The following GRM8 variants were observed in gnomAD, a reference collection of about 807,000 sequenced individuals.
GRM8 encodes the protein metabotropic glutamate receptor 8.
GRM8 carries 47 observed loss-of-function variants against 87.2 expected under a neutral mutation model. That is an observed-to-expected ratio of 0.54 (90% CI 0.43 to 0.69). The LOEUF is 0.69. Among genes scored for constraint, GRM8 ranks in the 30% least tolerant of loss-of-function variants. The probability of loss-of-function intolerance (pLI) is 0.00; values close to 1 mark genes in which losing one functional copy is unlikely to be tolerated. For missense variants in GRM8, 1,019 were observed against 1,139.2 expected (o/e 0.89, Z 1.52); for synonymous variants, 396 against 404.5 (o/e 0.98, Z 0.25).
intron 1 of GRM8, chr7:127,251,030 T>G (rs1329079047): frequency 1.3e-5 from 2 of 152,246 alleles, no homozygotes; most frequent in African/African-American, 4.8e-5. Flanking sequence ...TATTCTTGGG[T>G]GTTCCAGAGA....
chr7:126,974,401 A>G (rs996664878), intron 3 of GRM8, among the ~76,000 whole-genome samples: 1 of 152,220 alleles, frequency 6.6e-6, no homozygotes, highest in African/African-American at 2.4e-5. Context: ...TTGCTTCACT[A>G]TAGTAAACAC....
At chr7:127,112,764 T>C (rs17866144) in intron 2 of GRM8, among the ~76,000 whole-genome samples, 1,678 of 152,304 alleles carry the variant, frequency 0.011, 27 homozygotes, top group African/African-American at 0.038. Context: ...AGTCTTCTCG[T>C]AGGGAAGCTT....
At position 126,685,431 on chromosome 7, in the gene GRM8, T is replaced by A. The variant is rs1808065162; in HGVS notation, c.1358-75933A>T. Among the ~76,000 whole-genome samples, 1 of 152,084 alleles carries A rather than the reference T, an allele frequency of 6.6e-6. No individual in the cohort carries two copies. On this transcript the variant is annotated intron_variant, in intron 7 of 10. Transcript: ENST00000339582. This position sits in a 1 kb window ranked among gnomAD's most constrained non-coding sequence, Gnocchi z 4.2. ...TGGGTGGGAGCTCCCTGGGTGCAGC[T>A]GCAGCTGCTCTGCCCCATCTCTGGA...
At chr7:127,021,455 T>A (rs957176959) in intron 3 of GRM8, among the ~76,000 whole-genome samples, 3 of 152,036 alleles carry the variant, frequency 2.0e-5, no homozygotes, top group African/African-American at 4.8e-5. Context: ...TACTAAGTGA[T>A]GATACTAATT....
intron 3 of GRM8, among the ~76,000 whole-genome samples, chr7:126,965,874 T>C (rs1480713947): frequency 3.3e-5 from 5 of 151,886 alleles, no homozygotes; most frequent in African/African-American, 9.7e-5. Context: ...TATAAATAAA[T>C]AAGCAGAAAA....
chr7:127,242,802 T>A lies in GRM8; in HGVS notation c.403A>T (p.Asn135Tyr), dbSNP rs1798383273. 6.2e-7 allele frequency: 1 copy of A among 1,614,022 alleles called. No individual in the cohort carries two copies. Among genetic ancestry groups the A allele is most frequent in the African/African-American group, 1.3e-5 (1 of 74,896 alleles). ...TTGGTGAAAATGGGTGGATCTCCAT[T>A]AGCACACTTCACATCCGAAGCATCT... ...EKDASDVKCA[N>Y]GDPPIFTKPD... The change falls in exon 2 of 11, where the codon AAT (asparagine) becomes TAT (tyrosine). Residue 135 changes from asparagine (N) to tyrosine (Y), a missense_variant. Coordinates refer to ENST00000339582, the MANE Select transcript of GRM8 (RefSeq NM_000845.3).
chr7:126,569,689 C>T (rs983403491), intron 8 of GRM8, among the ~76,000 whole-genome samples: 1 of 152,094 alleles, frequency 6.6e-6, no homozygotes, highest in African/African-American at 2.4e-5. Flanking sequence ...TGTGGTAAAG[C>T]GTGTCTTTTC....
At chr7:126,778,074 G>C (rs1035548660) in intron 6 of GRM8, among the ~76,000 whole-genome samples, 5 of 152,142 alleles carry the variant, frequency 3.3e-5, no homozygotes, top group African/African-American at 1.2e-4. Flanking sequence ...AGCTGGCTCT[G>C]TCAAGGACCT....
intron 7 of GRM8, among the ~76,000 whole-genome samples, chr7:126,754,800 T>C (rs906545546): frequency 1.3e-5 from 2 of 151,900 alleles, no homozygotes; most frequent in Admixed American, 1.3e-4. Context: ...GAAACCATTC[T>C]GGAGTTTGCA....
At chr7:126,597,473 CTT>C (rs1250916467) in intron 8 of GRM8, among the ~76,000 whole-genome samples, 1 of 151,968 alleles carries the variant, frequency 6.6e-6, no homozygotes, top group East Asian at 1.9e-4. Flanking sequence ...AATAAAATGA[CTT>C]TTTACCAGTT....
chr7:126,500,019 A>G (rs1227117899), intron 9 of GRM8, among the ~76,000 whole-genome samples: 1 of 152,004 alleles, frequency 6.6e-6, no homozygotes, highest in Non-Finnish European at 1.5e-5. Flanking sequence ...GAAAGATCAA[A>G]TCAGGCTAAT....
intron 9 of GRM8, among the ~76,000 whole-genome samples, chr7:126,510,256 TCAGCAGAAGTA>T (rs1283009796): frequency 1.3e-5 from 2 of 148,262 alleles, no homozygotes; most frequent in African/African-American, 5.0e-5. Flanking sequence ...TATCCATGGC[TCAGCAGAAGTA>T]CACTTTAAAG....
intron 7 of GRM8, among the ~76,000 whole-genome samples, chr7:126,664,860 A>C (rs1234605272): frequency 2.0e-5 from 3 of 152,226 alleles, no homozygotes; most frequent in Non-Finnish European, 4.4e-5. Context: ...TTTGCAAACT[A>C]TGCATCCAAC....
chr7:126,632,431 G>A (rs1412905538), intron 7 of GRM8, among the ~76,000 whole-genome samples: 6 of 152,158 alleles, frequency 3.9e-5, no homozygotes, highest in African/African-American at 1.4e-4. Flanking sequence ...TACACTGTTG[G>A]TGGGAATGTA....
intron 7 of GRM8, among the ~76,000 whole-genome samples, chr7:126,629,564 C>A (rs1801045920): frequency 6.6e-6 from 1 of 151,974 alleles, no homozygotes; most frequent in Admixed American, 6.6e-5. Flanking sequence ...ATCAAATACA[C>A]AGGACTTTAT....
chr7:127,151,188 C>G (rs1199078989), intron 2 of GRM8, among the ~76,000 whole-genome samples: 1 of 151,996 alleles, frequency 6.6e-6, no homozygotes, highest in Non-Finnish European at 1.5e-5. Context: ...GTCTCTCCAC[C>G]TGGCCTAGAG....
At chr7:126,643,319 A>AATATATATATATATATAT (rs1198296006) in intron 7 of GRM8, among the ~76,000 whole-genome samples, 1 of 36,202 alleles carries the variant, frequency 2.8e-5, no homozygotes, top group African/African-American at 1.3e-4. Flanking sequence ...AAAAAAAAAA[A>AATATATATATATATATAT]ATATATATAT....
intron 3 of GRM8, among the ~76,000 whole-genome samples, chr7:127,009,778 TCTC>T (rs1471976775): frequency 1.3e-5 from 2 of 152,080 alleles, no homozygotes; most frequent in African/African-American, 4.8e-5. Context: ...AAGAAGTCAT[TCTC>T]CTTTAAATTC....
In GRM8 at chr7:126,533,701, T is replaced by G. The variant is rs61753364; in HGVS notation, c.1681A>C (p.Arg561=). The part of the protein sequence containing the change: ...LSCELCPLDQ[R]PNMNRTGCQL... ...CAGCCTGTGCGGTTCATGTTGGGTCTCTGATCCAGAGGGCAAAGTTCACAG... is the reference window on the plus strand; with the variant it reads ...CAGCCTGTGCGGTTCATGTTGGGTCGCTGATCCAGAGGGCAAAGTTCACAG... The change falls in exon 9 of 11, where the codon AGA becomes CGA. Residue 561 remains arginine (R), a synonymous_variant. Coordinates refer to ENST00000339582, the MANE Select transcript of GRM8 (RefSeq NM_000845.3). 0.012 allele frequency: 19,047 copies of G among 1,614,126 alleles called. 147 individuals are homozygous for G. Among genetic ancestry groups the G allele is most frequent in the Non-Finnish European group, 0.015 (17,385 of 1,179,996 alleles).
Sources: allele counts gnomAD v4.1 joint callset (sites outside exome capture counted in the v4.1 genomes callset), GRCh38; gene constraint gnomAD v4.1.1; non-coding constraint Gnocchi (gnomAD v3.1); transcripts MANE v1.5; gene names NCBI Gene and HGNC (gene_info 2026-07-23, HGNC 2026-07-21).